The following ATP2C1 variants were observed in gnomAD, a reference collection of about 807,000 sequenced individuals.
The protein encoded by ATP2C1 is calcium-transporting ATPase type 2C member 1.
In ATP2C1, 31 loss-of-function variants were observed where a neutral mutation model predicts 120.5. The ratio of observed to expected loss-of-function variants is 0.26; its 90% CI spans 0.19 to 0.35. ATP2C1 has a LOEUF of 0.35. Among genes scored for constraint, ATP2C1 ranks in the 10% least tolerant of loss-of-function variants. The probability of loss-of-function intolerance (pLI) is 1.00; values close to 1 mark genes in which losing one functional copy is unlikely to be tolerated. For missense variants in ATP2C1, 731 were observed against 1,107.5 expected, an observed-to-expected ratio of 0.66 and a Z score of 4.83; for synonymous variants, 351 against 358.7, an observed-to-expected ratio of 0.98 and a Z score of 0.24.
At chr3:131,016,463 C>G in exon 27 of ATP2C1, 2 of 1,079,166 alleles carry the variant, frequency 1.9e-6, no homozygotes, top group Admixed American at 4.7e-5. Flanking sequence ...AGATGTTTTT[C>G]TCTTCTGGCT....
chr3:130,979,276 T>C lies in ATP2C1; in HGVS notation c.1598T>C (p.Leu533Pro), dbSNP rs1359269468. 6.2e-7 allele frequency: 1 copy of C among 1,613,638 alleles called. No individual in the cohort carries two copies. Among genetic ancestry groups the C allele is most frequent in the East Asian group, 2.2e-5 (1 of 44,870 alleles). The change falls in exon 19 of 28, where the codon CTG becomes CCG. Residue 533 changes from leucine to proline, a missense_variant. Leu to Pro is a moderately conservative substitution (Grantham distance 98, BLOSUM62 -3). Coordinates refer to ENST00000510168, the MANE Select transcript of ATP2C1 (RefSeq NM_001378687.1). ...RVLALASGPE[L>P]GQLTFLGLVG... ...CTTGCTTTGGCTTCTGGTCCTGAAC[T>C]GGGACAGCTGACATTTCTTGGCTTG...
intron 1 of ATP2C1, among the ~76,000 whole-genome samples, chr3:130,884,376 T>C (rs535558727): frequency 1.3e-5 from 2 of 152,362 alleles, no homozygotes; most frequent in South Asian, 2.1e-4. Flanking sequence ...AGATGCTTGA[T>C]ATTATTTCAT....
rs72985731 is a variant in ATP2C1 at position 130,962,398 on chromosome 3, T to C, written c.900-1573T>C. Among the ~76,000 whole-genome samples the C allele has an allele frequency of 4.5e-3, 678 of 152,098 alleles. 3 individuals are homozygous for C. The highest frequency in any genetic ancestry group is 0.016 in the African/African-American group (647 of 41,548). Reference sequence around the variant, plus strand: ...ATGCAAGAAAGAAGAACTAGATTAATAAGCTAGCGCCTGTTAGAAATATTT... The same window carrying C: ...ATGCAAGAAAGAAGAACTAGATTAACAAGCTAGCGCCTGTTAGAAATATTT... On this transcript the variant is annotated intron_variant, in intron 12 of 27. Transcript: ENST00000510168.
In ATP2C1 at chr3:130,967,256, T is replaced by C. The variant is rs753373765; in HGVS notation, c.1218+16T>C. ...AATTGTTGAGGTAAATATTTTTTTT[T>C]CCAAGATGGTGACTTTCTTCATAAT... is the stretch of plus-strand genomic sequence containing the variant. On this transcript the variant is annotated intron_variant, in intron 15 of 27. Coordinates refer to ENST00000510168, the MANE Select transcript of ATP2C1 (RefSeq NM_001378687.1). The C allele has an allele frequency of 5.0e-6, 8 of 1,612,550 alleles. No homozygotes were observed. The African/African-American group carries it at 5.3e-5, about 11-fold the overall frequency.
intron 26 of ATP2C1, among the ~76,000 whole-genome samples, chr3:131,009,228 A>T (rs544634351): frequency 2.3e-4 from 35 of 152,304 alleles, no homozygotes; most frequent in African/African-American, 7.7e-4. Context: ...CTAACAGCTC[A>T]GTCTTAGGGA....
Position 130,894,547 on chromosome 3 carries a change from C to T in ATP2C1, c.-180-43C>T, listed in dbSNP as rs907895504. ...TAGTGGCTGGGCGGGGAACTCCTTC[C>T]TCAGCCTCTCGTCAGCGCCGCTTCT... On this transcript the variant is annotated intron_variant, in intron 1 of 27. Transcript: ENST00000510168. The surrounding 1 kb of genome is among the most constrained non-coding windows in gnomAD (Gnocchi z 4.5). 27 of 1,410,628 alleles carry T rather than the reference C, an allele frequency of 1.9e-5. No individual in the cohort carries two copies. Among genetic ancestry groups the T allele is most frequent in the Non-Finnish European group, 2.3e-5 (25 of 1,083,412 alleles). 87.4% of individuals were successfully genotyped at this position (1,410,628 alleles called of 1,614,324 possible). A position where few individuals can be genotyped will look rare whatever the true frequency, so the allele number is the denominator to read the frequency against.
chr3:130,893,957 C>T (rs1242548163), upstream of ATP2C1: 3 of 985,580 alleles, frequency 3.0e-6, no homozygotes, highest in Non-Finnish European at 3.6e-6. Context: ...ACGAATGCGC[C>T]TGCGCGCACC....
chr3:130,921,071 T>TTTTC, intron 2 of ATP2C1, among the ~76,000 whole-genome samples: 1 of 150,046 alleles, frequency 6.7e-6, no homozygotes, highest in African/African-American at 2.5e-5. Context: ...ATCTTGCGAG[T>TTTTC]TTTCTTTCTT....
intron 26 of ATP2C1, among the ~76,000 whole-genome samples, chr3:130,998,945 T>A (rs1303461510): frequency 6.6e-6 from 1 of 152,202 alleles, no homozygotes; most frequent in Non-Finnish European, 1.5e-5. Flanking sequence ...CATATTGTCC[T>A]TAAAAACTAG....
At chr3:130,882,122 T>G (rs1206499593) in intron 1 of ATP2C1, among the ~76,000 whole-genome samples, 1 of 152,202 alleles carries the variant, frequency 6.6e-6, no homozygotes, top group African/African-American at 2.4e-5. Flanking sequence ...GGCATCCTTT[T>G]CATGTTCCAG....
rs113395759 is a variant in ATP2C1 at position 130,884,084 on chromosome 3, G to T, written c.108+33156G>T. On this transcript the variant is annotated intron_variant, in intron 1 of 26. Transcript: ENST00000504381. ...AGCCTCCCGAGTAGCTGGATTACAG[G>T]CTCTGGCCACCATGCCTGGCTAATT... Among the ~76,000 whole-genome samples the T allele has an allele frequency of 5.2e-3, 788 of 151,762 alleles. 4 individuals carry two copies. The highest frequency in any genetic ancestry group is 8.8e-3 in the Non-Finnish European group (600 of 67,928).
At chr3:130,934,788 ATTGAG>A in intron 5 of ATP2C1, 77 bp downstream of exon 5, 1 of 969,748 alleles carries the variant, frequency 1.0e-6, no homozygotes, top group Non-Finnish European at 1.6e-6. Context: ...TGGAAAATAA[ATTGAG>A]AAGTGCTCTC....
chr3:130,955,773 G>A (rs2060554581), intron 10 of ATP2C1: 1 of 249,116 alleles, frequency 4.0e-6, no homozygotes, highest in African/African-American at 2.3e-5. Context: ...GGAAAAGCAA[G>A]TGAGAGAGCA....
intron 2 of ATP2C1, among the ~76,000 whole-genome samples, chr3:130,911,134 T>C (rs2058387920): frequency 6.7e-6 from 1 of 148,316 alleles, no homozygotes; most frequent in African/African-American, 2.5e-5. Flanking sequence ...GCTCCTGTTA[T>C]TGGTCTATTC....
At chr3:130,925,781 G>A (rs1222036326) in intron 2 of ATP2C1, among the ~76,000 whole-genome samples, 3 of 151,324 alleles carry the variant, frequency 2.0e-5, no homozygotes, top group Admixed American at 6.6e-5. Context: ...CCTTGGGTGA[G>A]CTTGCTGCAG....
intron 1 of ATP2C1, among the ~76,000 whole-genome samples, chr3:130,872,022 CA>C (rs11347303): frequency 0.61 from 72,020 of 117,470 alleles, 21,795 homozygotes; most frequent in Middle Eastern, 0.84. Context: ...AACTCTGTCT[CA>C]AAAAAAAAAA....
At chr3:130,911,181 G>A in intron 2 of ATP2C1, among the ~76,000 whole-genome samples, 3 of 128,768 alleles carry the variant, frequency 2.3e-5, no homozygotes, top group African/African-American at 5.8e-5. Context: ...TCTTGGGAGC[G>A]TGTATGTGTT....
chr3:130,907,142 C>T (rs2058166704), intron 2 of ATP2C1, among the ~76,000 whole-genome samples: 3 of 151,820 alleles, frequency 2.0e-5, no homozygotes, highest in Admixed American at 2.0e-4. Context: ...ATATTCTATA[C>T]TTGTACCAGT....
chr3:130,884,878 A>G (rs940372084), intron 1 of ATP2C1, among the ~76,000 whole-genome samples: 1 of 145,732 alleles, frequency 6.9e-6, no homozygotes, highest in Non-Finnish European at 1.5e-5. Flanking sequence ...TTTTATTTTC[A>G]GCCTATGTGT....
Sources: allele counts gnomAD v4.1 joint callset (sites outside exome capture counted in the v4.1 genomes callset), GRCh38; gene constraint gnomAD v4.1.1; non-coding constraint Gnocchi (gnomAD v3.1); transcripts MANE v1.5; gene names NCBI Gene and HGNC (gene_info 2026-07-23, HGNC 2026-07-21).